Variants in THRB observed in about 807,000 individuals in gnomAD.
THRB encodes nuclear receptor subfamily 1 group A member 2.
In THRB, 12 loss-of-function variants were observed where a neutral mutation model predicts 47.8. The observed-to-expected ratio is 0.25, with a 90% confidence interval of 0.16 to 0.41. The LOEUF (loss-of-function observed/expected upper bound fraction) is 0.41. Ranked by LOEUF, THRB falls within the 10% of genes least tolerant of loss-of-function variation. The probability of loss-of-function intolerance (pLI) is 1.00; values close to 1 mark genes in which losing one functional copy is unlikely to be tolerated. For missense variants in THRB, 348 were observed against 589.2 expected, an observed-to-expected ratio of 0.59 and a Z score of 4.24; for synonymous variants, 218 against 212.2, an observed-to-expected ratio of 1.03 and a Z score of -0.24.
chr3:24,289,561 G>A (rs1364230916), intron 3 of THRB, among the ~76,000 whole-genome samples: 3 of 151,894 alleles, frequency 2.0e-5, no homozygotes. Flanking sequence ...GAGGAGGGAG[G>A]GACCAAGAAC....
intron 1 of THRB, among the ~76,000 whole-genome samples, chr3:24,382,309 C>T (rs929384227): frequency 6.6e-6 from 1 of 151,994 alleles, no homozygotes; most frequent in Non-Finnish European, 1.5e-5. Flanking sequence ...TTTTTGGTAT[C>T]TAATGCATCT....
At position 24,143,716 on chromosome 3, in the gene THRB, G is replaced by A. The variant is rs2035739264; in HGVS notation, c.533-10C>T. Reference sequence around the variant, plus strand: ...CTGTCATCCAGCACCACTGGGAGGGGGAGAAAGATGAGACAAGGCACACAG... The same window carrying A: ...CTGTCATCCAGCACCACTGGGAGGGAGAGAAAGATGAGACAAGGCACACAG... On this transcript the variant is annotated splice_polypyrimidine_tract_variant and intron_variant, in intron 7 of 10. Transcript: ENST00000646209. 6.2e-7 allele frequency: 1 copy of A among 1,613,804 alleles called. No individual in the cohort carries two copies. Among genetic ancestry groups the A allele is most frequent in the South Asian group, 1.1e-5 (1 of 91,072 alleles).
At chr3:24,307,428 C>T (rs1409369117) in intron 2 of THRB, among the ~76,000 whole-genome samples, 1 of 152,050 alleles carries the variant, frequency 6.6e-6, no homozygotes, top group African/African-American at 2.4e-5. Flanking sequence ...AAATTCCCTT[C>T]TTATTTTTTT....
intron 5 of THRB, among the ~76,000 whole-genome samples, chr3:24,171,545 G>A (rs2040437974): frequency 6.6e-6 from 1 of 152,174 alleles, no homozygotes. Flanking sequence ...AGGGGATGAA[G>A]TGACTTGTCA....
At chr3:24,215,653 A>G (rs971447504) in intron 4 of THRB, among the ~76,000 whole-genome samples, 2 of 152,232 alleles carry the variant, frequency 1.3e-5, no homozygotes, top group Non-Finnish European at 2.9e-5. Context: ...CAGACTCATT[A>G]TCAAAATCTG....
At chr3:24,354,503 T>C (rs1410320591) in intron 1 of THRB, among the ~76,000 whole-genome samples, 3 of 152,152 alleles carry the variant, frequency 2.0e-5, no homozygotes, top group East Asian at 1.9e-4. Context: ...CTTGTCTATA[T>C]TGGGAAAGCA....
At chr3:24,204,547 T>C (rs559679690) in intron 4 of THRB, among the ~76,000 whole-genome samples, 1 of 152,034 alleles carries the variant, frequency 6.6e-6, no homozygotes, top group Non-Finnish European at 1.5e-5. Context: ...ACCACAAAGA[T>C]GGGGAAAAAA....
intron 3 of THRB, among the ~76,000 whole-genome samples, chr3:24,283,389 C>A (rs1244341902): frequency 2.0e-5 from 3 of 151,980 alleles, no homozygotes; most frequent in African/African-American, 7.2e-5. Flanking sequence ...AACAACACTT[C>A]ATGCTAAAAA....
intron 5 of THRB, among the ~76,000 whole-genome samples, chr3:24,167,519 G>A (rs2039805844): frequency 6.6e-6 from 1 of 151,996 alleles, no homozygotes; most frequent in African/African-American, 2.4e-5. Context: ...AAAACCCCAG[G>A]AAAAAGGATC....
intron 1 of THRB, among the ~76,000 whole-genome samples, chr3:24,395,763 A>G (rs1046568892): frequency 2.0e-5 from 3 of 152,144 alleles, no homozygotes; most frequent in Non-Finnish European, 4.4e-5. Context: ...ACTCCTAGAT[A>G]TATATCCAAG....
chr3:24,129,997 C>T (rs904153862), intron 9 of THRB, among the ~76,000 whole-genome samples: 2 of 152,178 alleles, frequency 1.3e-5, no homozygotes, highest in African/African-American at 4.8e-5. Context: ...GCTCTCAAGA[C>T]CACCTGAGAT....
At chr3:24,356,289 G>T (rs535796337) in intron 1 of THRB, among the ~76,000 whole-genome samples, 1 of 152,056 alleles carries the variant, frequency 6.6e-6, no homozygotes, top group African/African-American at 2.4e-5. Context: ...GTCCTGAACC[G>T]CCTCAAAGGT....
intron 1 of THRB, among the ~76,000 whole-genome samples, chr3:24,489,744 A>C (rs1010294225): frequency 2.6e-5 from 4 of 152,226 alleles, no homozygotes; most frequent in Non-Finnish European, 5.9e-5. Flanking sequence ...ATAGATCACT[A>C]TTCTAGCTGT....
At chr3:24,227,095 A>G (rs945534912) in intron 4 of THRB, among the ~76,000 whole-genome samples, 1 of 151,082 alleles carries the variant, frequency 6.6e-6, no homozygotes, top group Non-Finnish European at 1.5e-5. Context: ...GCCATTTCAT[A>G]TGTCTTGGGG....
intron 4 of THRB, among the ~76,000 whole-genome samples, chr3:24,210,375 G>A (rs2045893215): frequency 6.6e-6 from 1 of 151,918 alleles, no homozygotes; most frequent in South Asian, 2.1e-4. Context: ...GAGATCCCCG[G>A]CTGGTGGATC....
chr3:24,278,399 A>C (rs2054162457), intron 3 of THRB, among the ~76,000 whole-genome samples: 1 of 152,188 alleles, frequency 6.6e-6, no homozygotes, highest in South Asian at 2.1e-4. Flanking sequence ...GGCAGATTTT[A>C]TTCTATTTGT....
intron 2 of THRB, among the ~76,000 whole-genome samples, chr3:24,324,093 C>T (rs1452824860): frequency 6.6e-6 from 1 of 152,208 alleles, no homozygotes; most frequent in Non-Finnish European, 1.5e-5. Flanking sequence ...CTGCCTCAGT[C>T]TCACCCCACG....
chr3:24,257,178 G>C (rs545026660), intron 3 of THRB, among the ~76,000 whole-genome samples: 1 of 152,116 alleles, frequency 6.6e-6, no homozygotes, highest in African/African-American at 2.4e-5. Flanking sequence ...AATATTCATG[G>C]AGAGGCCCTT....
intron 5 of THRB, among the ~76,000 whole-genome samples, chr3:24,186,118 C>T (rs577084676): frequency 2.6e-5 from 4 of 152,248 alleles, no homozygotes; most frequent in East Asian, 1.9e-4. Context: ...TCCTGTGCAA[C>T]GAGTTGAAGA....
Sources: allele counts gnomAD v4.1 joint callset (sites outside exome capture counted in the v4.1 genomes callset), GRCh38; gene constraint gnomAD v4.1.1; transcripts MANE v1.5; gene names NCBI Gene and HGNC (gene_info 2026-07-23, HGNC 2026-07-21).